The following ALG14 variants were observed in gnomAD, a reference collection of about 807,000 sequenced individuals.
ALG14 encodes the protein ALG14 UDP-N-acetylglucosaminyltransferase subunit.
A neutral mutation model predicts 22.8 loss-of-function variants in ALG14; 17 were observed. The observed-to-expected ratio is 0.75, with a 90% CI of 0.51 to 1.12. The LOEUF (loss-of-function observed/expected upper bound fraction) is 1.12, where lower values mean the gene tolerates loss of function less well. ALG14 is among the 50% of genes most tolerant of loss of function. The pLI, the probability that ALG14 is intolerant of heterozygous loss-of-function variation, is 0.00. For synonymous variants in ALG14, 89 were observed against 103.7 expected (o/e 0.86, Z 0.86); for missense variants, 288 against 271.8 (o/e 1.06, Z -0.42).
intron 2 of ALG14, among the ~76,000 whole-genome samples, chr1:95,054,575 A>T (rs6695561): frequency 0.23 from 35,671 of 152,184 alleles, 4,603 homozygotes; most frequent in African/African-American, 0.34. Context: ...TTATGAAAAT[A>T]TTTATGTCAA....
At chr1:95,019,748 A>C (rs1481190999) in intron 3 of ALG14, among the ~76,000 whole-genome samples, 1 of 152,162 alleles carries the variant, frequency 6.6e-6, no homozygotes, top group African/African-American at 2.4e-5. Flanking sequence ...TGGGAGGCCA[A>C]GGTGGGTGGA....
chr1:94,992,724 G>A (rs957935535), intron 3 of ALG14, among the ~76,000 whole-genome samples: 2 of 152,164 alleles, frequency 1.3e-5, no homozygotes, highest in Non-Finnish European at 2.9e-5. Flanking sequence ...TGGAGAGTCA[G>A]TTCTAACATA....
At chr1:94,987,431 A>G (rs1479007461) in intron 3 of ALG14, among the ~76,000 whole-genome samples, 1 of 152,066 alleles carries the variant, frequency 6.6e-6, no homozygotes. Flanking sequence ...TCAATAAATA[A>G]ACTTCTCTAA....
chr1:95,061,579 A>C (rs1208148404), intron 2 of ALG14: 1 of 152,194 alleles, frequency 6.6e-6, no homozygotes, highest in Non-Finnish European at 1.5e-5. Context: ...CCAAGAAAAG[A>C]ACCACCAATC....
intron 3 of ALG14, among the ~76,000 whole-genome samples, chr1:94,993,367 GTATT>G (rs1672826082): frequency 1.4e-5 from 2 of 142,626 alleles, no homozygotes; most frequent in African/African-American, 2.5e-5. Context: ...AGATATTTAA[GTATT>G]TATATTTAAA....
At chr1:95,027,681 G>C (rs1042162360) in intron 2 of ALG14, among the ~76,000 whole-genome samples, 2 of 152,210 alleles carry the variant, frequency 1.3e-5, no homozygotes, top group Admixed American at 1.3e-4. Flanking sequence ...TGGCTAACAA[G>C]CACAACAGAA....
At chr1:95,053,088 C>T (rs1426573002) in intron 2 of ALG14, among the ~76,000 whole-genome samples, 1 of 151,970 alleles carries the variant, frequency 6.6e-6, no homozygotes, top group Non-Finnish European at 1.5e-5. Flanking sequence ...ACCAAACATG[C>T]TAGTTAGAAG....
chr1:94,995,354 G>C (rs1276206754), intron 3 of ALG14, among the ~76,000 whole-genome samples: 1 of 152,178 alleles, frequency 6.6e-6, no homozygotes, highest in African/African-American at 2.4e-5. Context: ...TGAAACAGAG[G>C]CAAGGAGGTA....
chr1:95,023,277 T>C (rs1320756908), intron 3 of ALG14, among the ~76,000 whole-genome samples: 2 of 152,028 alleles, frequency 1.3e-5, no homozygotes, highest in Non-Finnish European at 2.9e-5. Context: ...GCACCCACCA[T>C]CATGCTTGGC....
rs911955027 is a variant in ALG14, at chr1:95,056,823, C to G, written c.288+8043G>C. On this transcript the variant is annotated intron_variant, in intron 2 of 3. Transcript: ENST00000370205. The stretch of plus-strand genomic sequence containing the variant: ...CCTGTAATCCCAGCACTTTGGGAGG[C>G]CAAGGCGGGCGGATCACGTGGTCAG... 1.7e-4 allele frequency among the ~76,000 whole-genome samples: 26 copies of G among 151,444 alleles called. 4 individuals are homozygous for G. In the East Asian group the frequency reaches 5.4e-3, roughly 32 times the overall value.
chr1:95,072,720 T>A, intron 1 of ALG14, 43 bp downstream of exon 1: 1 of 1,606,408 alleles, frequency 6.2e-7, no homozygotes, highest in Non-Finnish European at 8.5e-7. Flanking sequence ...CTGGGGTTTG[T>A]AGTGACCAAC....
At chr1:95,033,837 C>T (rs1333853972) in intron 2 of ALG14, among the ~76,000 whole-genome samples, 1 of 152,190 alleles carries the variant, frequency 6.6e-6, no homozygotes, top group African/African-American at 2.4e-5. Flanking sequence ...TTTGCTTCTC[C>T]TCTTGCTCCC....
At position 94,983,149 on chromosome 1, in the gene ALG14, T is replaced by C; in HGVS notation, c.578A>G (p.Asp193Gly). The C allele has an allele frequency of 6.2e-7, 1 of 1,614,140 alleles. No individual in the cohort carries two copies. Among genetic ancestry groups the C allele is most frequent in the Non-Finnish European group, 8.5e-7 (1 of 1,180,026 alleles). ...MSGKILFHLS[D>G]YFIVQWPALK... Reference sequence around the variant, plus strand: ...AGCCGGCCACTGAACAATGAAGTAATCTGAGAGATGAAACAGAATCTTTCC... The same window carrying C: ...AGCCGGCCACTGAACAATGAAGTAACCTGAGAGATGAAACAGAATCTTTCC... Residue 193 changes from aspartate to glycine, a missense_variant, in exon 4 of 4, where the codon GAT (aspartate) becomes GGT (glycine). Transcript: ENST00000370205.
At chr1:95,069,186 T>A (rs1387761490) in intron 1 of ALG14, among the ~76,000 whole-genome samples, 2 of 152,178 alleles carry the variant, frequency 1.3e-5, no homozygotes, top group Admixed American at 6.6e-5. Flanking sequence ...GACTCTCCAC[T>A]GAAAAAGATA....
intron 3 of ALG14, among the ~76,000 whole-genome samples, chr1:94,984,047 T>G (rs1672574316): frequency 6.6e-6 from 1 of 152,118 alleles, no homozygotes; most frequent in Non-Finnish European, 1.5e-5. Flanking sequence ...CCCAGCTGAA[T>G]TTTTATAAGC....
Position 95,027,118 on chromosome 1 carries a change from G to A in ALG14, c.420+11C>T. 3 of 1,613,832 alleles carry A rather than the reference G, an allele frequency of 1.9e-6. No individual in the cohort carries two copies. Among genetic ancestry groups the A allele is most frequent in the Non-Finnish European group, 2.5e-6 (3 of 1,179,854 alleles). On this transcript the variant is annotated intron_variant, in intron 3 of 3. Transcript: ENST00000370205. ...GTTACTTTCTCTCTCCTTAGTGATG[G>A]TCTTACTTACCAAATCTGGCTTCAC...
At chr1:95,032,089 G>A (rs542960930) in intron 2 of ALG14, among the ~76,000 whole-genome samples, 1 of 151,936 alleles carries the variant, frequency 6.6e-6, no homozygotes, top group African/African-American at 2.4e-5. Context: ...GATTACAGGC[G>A]TGATCCACTG....
chr1:94,982,855 A>T lies in ALG14; in HGVS notation c.*221T>A, dbSNP rs1290752023. 2 of 491,308 alleles carry T rather than the reference A, an allele frequency of 4.1e-6. No individual in the cohort carries two copies. The highest frequency in any genetic ancestry group is 3.6e-6 in the Non-Finnish European group (1 of 280,050). 30.4% of individuals were successfully genotyped at this position (491,308 alleles called of 1,614,324 possible). A position where few individuals can be genotyped will look rare whatever the true frequency, so the allele number is the denominator to read the frequency against. ...TTTATCTAGAAAAGAAATTTGGTTTACAGAGGCATAAACATTTAGTAGTTA... is the reference window on the plus strand; with the variant it reads ...TTTATCTAGAAAAGAAATTTGGTTTTCAGAGGCATAAACATTTAGTAGTTA... On this transcript the variant is annotated 3_prime_UTR_variant, in exon 4 of 4. Transcript: ENST00000370205.
At position 95,072,804 on chromosome 1, in the gene ALG14, G is replaced by A; in HGVS notation, c.95C>T (p.Thr32Met). 1 of 1,614,144 alleles carries A rather than the reference G, an allele frequency of 6.2e-7. No homozygotes were observed. Among genetic ancestry groups the A allele is most frequent in the Non-Finnish European group, 8.5e-7 (1 of 1,180,014 alleles). Residue 32 changes from threonine to methionine, a missense_variant, in exon 1 of 4, where the codon ACG becomes ATG. Thr to Met is a moderately conservative substitution (Grantham distance 81). Transcript: ENST00000370205. ...CAAGATACTGAGAGACTCCCGGGGC[G>A]TAACGTCCATGGAACGAAGCACTAC... ...IWVVLRSMDV[T>M]PRESLSILVV...
Sources: allele counts gnomAD v4.1 joint callset (sites outside exome capture counted in the v4.1 genomes callset), GRCh38; gene constraint gnomAD v4.1.1; transcripts MANE v1.5; gene names NCBI Gene and HGNC (gene_info 2026-07-23, HGNC 2026-07-21).